Variants in NTPCR observed in about 807,000 individuals in gnomAD.
The protein encoded by NTPCR is nucleoside-triphosphatase, cancer-related, also known as cancer-related nucleoside-triphosphatase.
In NTPCR, 15 loss-of-function variants were observed where a neutral mutation model predicts 19.5. The ratio of observed to expected loss-of-function variants is 0.77; its 90% CI spans 0.51 to 1.18. The LOEUF (loss-of-function observed/expected upper bound fraction) is 1.18, where lower values mean the gene tolerates loss of function less well. Ranked by LOEUF, NTPCR falls within the 50% of genes most tolerant of loss-of-function variation. NTPCR has a pLI of 0.00. For synonymous variants in NTPCR, 90 were observed against 95.8 expected, an observed-to-expected ratio of 0.94 and a Z score of 0.36; for missense variants, 206 against 240.4, an observed-to-expected ratio of 0.86 and a Z score of 0.95.
At chr1:232,965,660 G>C (rs1418368285) in intron 3 of NTPCR, 4 of 152,366 alleles carry the variant, frequency 2.6e-5, no homozygotes, top group Non-Finnish European at 5.9e-5. Context: ...AGTCCCAGGA[G>C]CCCAAATGTG....
intron 3 of NTPCR, chr1:232,969,195 G>A (rs796633154): frequency 6.6e-6 from 1 of 152,268 alleles, no homozygotes; most frequent in South Asian, 2.1e-4. Context: ...CTGTTGGCAT[G>A]AGGCCTCAGT....
rs960417727 is a variant in NTPCR, at chr1:232,979,228, C to G, written c.*997C>G. 1 of 152,116 alleles carries G rather than the reference C, an allele frequency of 6.6e-6. No homozygotes were observed. The highest frequency in any genetic ancestry group is 1.5e-5 in the Non-Finnish European group (1 of 68,030). The allele number at this position is 152,116 out of a possible 1,614,324, so 9.4% of individuals were successfully genotyped here. The stretch of plus-strand genomic sequence containing the variant: ...TGGTAGATGGTACTGGAGTGATAAA[C>G]AGTTCAGTGTTTTTAGGTCATTTTT... On this transcript the variant is annotated 3_prime_UTR_variant, in exon 5 of 5. Transcript: ENST00000366628. The surrounding 1 kb of genome is among the most constrained non-coding windows in gnomAD (Gnocchi z 5.3).
chr1:232,968,871 T>C (rs1232579570), intron 3 of NTPCR: 1 of 152,270 alleles, frequency 6.6e-6, no homozygotes, highest in Non-Finnish European at 1.5e-5. Flanking sequence ...GTTTATTACA[T>C]GTTCTGTTTT....
At position 232,969,941 on chromosome 1, in the gene NTPCR, G is replaced by T. The variant is rs368568525; in HGVS notation, c.327G>T (p.Val109=). The change falls in exon 4 of 5, where the codon GTG becomes GTT. Residue 109 remains valine (V), a synonymous_variant. Coordinates refer to ENST00000366628, the MANE Select transcript of NTPCR (RefSeq NM_032324.3). The part of the protein sequence containing the change: ...ADCSSGPGQR[V]CVIDEIGKME... ...GCAGCAGTGGCCCAGGGCAAAGAGT[G>T]TGCGTCATCGATGAGATTGGGAAGA... 78 of 1,614,058 alleles carry T rather than the reference G, an allele frequency of 4.8e-5. No homozygotes were observed. Among genetic ancestry groups the T allele is most frequent in the Non-Finnish European group, 6.4e-5 (76 of 1,180,028 alleles).
In NTPCR at chr1:232,982,850, C is replaced by CT. The variant is rs1386494609; in HGVS notation, c.*4620dup. On this transcript the variant is annotated 3_prime_UTR_variant, in exon 5 of 5. Coordinates refer to ENST00000366628, the MANE Select transcript of NTPCR (RefSeq NM_032324.3). ...CTGCCATTTAGCCCTTGGGGCTTGG[C>CT]TGTAAAGTTGCCCAAGAGGATTACA... 6.6e-6 allele frequency: 1 copy of CT among 152,212 alleles called. No homozygotes were observed. Among genetic ancestry groups the CT allele is most frequent in the African/African-American group, 2.4e-5 (1 of 41,442 alleles). The allele number at this position is 152,212 out of a possible 1,614,324, so 9.4% of individuals were successfully genotyped here.
intron 3 of NTPCR, among the ~76,000 whole-genome samples, chr1:232,958,171 C>G (rs1668564919): frequency 6.6e-6 from 1 of 152,178 alleles, no homozygotes; most frequent in Non-Finnish European, 1.5e-5. Context: ...TGATACAGAC[C>G]TGTCTCAAAA....
intron 4 of NTPCR, among the ~76,000 whole-genome samples, chr1:232,975,484 G>GA (rs1196471284): frequency 2.0e-5 from 3 of 152,194 alleles, no homozygotes; most frequent in African/African-American, 7.2e-5. Context: ...GGCAGGGGAA[G>GA]AAATGCCTCT....
chr1:232,951,830 C>T (rs12059192), intron 1 of NTPCR, among the ~76,000 whole-genome samples: 7 of 152,136 alleles, frequency 4.6e-5, no homozygotes, highest in Non-Finnish European at 8.8e-5. Context: ...AAAGTCACTC[C>T]TAAGTATTGC....
At chr1:232,976,536 A>G (rs1408304592) in intron 4 of NTPCR, 1 of 1,518,380 alleles carries the variant, frequency 6.6e-7, no homozygotes, top group Admixed American at 2.3e-5. Context: ...TGCAAACAAC[A>G]GGAATGGACT....
At chr1:232,955,922 T>C (rs1668500043) in intron 2 of NTPCR, among the ~76,000 whole-genome samples, 1 of 152,174 alleles carries the variant, frequency 6.6e-6, no homozygotes, top group African/African-American at 2.4e-5. Flanking sequence ...CTCAAGAATC[T>C]TAGGCCTTTA....
intron 3 of NTPCR, among the ~76,000 whole-genome samples, chr1:232,958,042 A>C (rs886928521): frequency 1.3e-5 from 2 of 152,190 alleles, no homozygotes; most frequent in African/African-American, 4.8e-5. Flanking sequence ...GAGCAGGTGA[A>C]GAAGGTAAGT....
At chr1:232,972,540 C>T (rs1379628003) in intron 4 of NTPCR, among the ~76,000 whole-genome samples, 1 of 152,188 alleles carries the variant, frequency 6.6e-6, no homozygotes, top group Non-Finnish European at 1.5e-5. Context: ...CATCCTCCAC[C>T]TCAGCCTCCC....
In NTPCR at chr1:232,983,307, A is replaced by T. The variant is rs1016849506; in HGVS notation, c.*5076A>T. The T allele has an allele frequency of 2.0e-5, 3 of 152,254 alleles. No homozygotes were observed. The highest frequency in any genetic ancestry group is 1.3e-4 in the Admixed American group (2 of 15,286). 9.4% of individuals were successfully genotyped at this position (152,254 alleles called of 1,614,324 possible). On this transcript the variant is annotated 3_prime_UTR_variant, in exon 5 of 5. Transcript: ENST00000366628. ...TTGGGACCTCTACCCCAGCAAGGAT[A>T]CAGGTTCCTGGGGTCTTGAAGATGG...
At chr1:232,952,328 A>G (rs1668387867) in intron 1 of NTPCR, among the ~76,000 whole-genome samples, 3 of 150,934 alleles carry the variant, frequency 2.0e-5, no homozygotes, top group African/African-American at 2.4e-5. Context: ...TCCCACTTCA[A>G]CCTCCTGAAT....
chr1:232,969,958 T>C lies in NTPCR; in HGVS notation c.344T>C (p.Ile115Thr), dbSNP rs769002116. The C allele has an allele frequency of 3.6e-5, 58 of 1,614,062 alleles. No homozygotes were observed. The highest frequency in any genetic ancestry group is 4.6e-5 in the Non-Finnish European group (54 of 1,180,022). ...CAAAGAGTGTGCGTCATCGATGAGA[T>C]TGGGAAGATGGAGCTCTTCAGTCAG... ...PGQRVCVIDEIGKMELFSQLF... is the reference protein window; with the variant it reads ...PGQRVCVIDETGKMELFSQLF... Residue 115 changes from isoleucine (I) to threonine (T), a missense_variant, in exon 4 of 5, where the codon ATT (isoleucine) becomes ACT (threonine). By Grantham distance (89) the Ile-to-Thr change is moderately conservative. Coordinates refer to ENST00000366628, the MANE Select transcript of NTPCR (RefSeq NM_032324.3).
At chr1:232,977,524 G>T (rs1016267421) in intron 4 of NTPCR, 2 of 152,280 alleles carry the variant, frequency 1.3e-5, no homozygotes, top group Admixed American at 1.3e-4. Flanking sequence ...AGATCATCGG[G>T]TAAAGCTCTG....
Position 232,981,720 on chromosome 1 carries a change from T to A in NTPCR, c.*3489T>A, listed in dbSNP as rs1435080648. 1 of 140,600 alleles carries A rather than the reference T, an allele frequency of 7.1e-6. No homozygotes were observed. Among genetic ancestry groups the A allele is most frequent in the African/African-American group, 2.8e-5 (1 of 35,208 alleles). The allele number at this position is 140,600 out of a possible 1,614,324, so 8.7% of individuals were successfully genotyped here. ...TGATCTGTGTCCAAATAACTCTTTT[T>A]TTTTTTTTTTTTTTTGAGACAGAGT... On this transcript the variant is annotated 3_prime_UTR_variant, in exon 5 of 5. Transcript: ENST00000366628.
intron 3 of NTPCR, among the ~76,000 whole-genome samples, chr1:232,960,865 TA>T (rs1177317373): frequency 6.6e-6 from 1 of 152,120 alleles, no homozygotes; most frequent in Non-Finnish European, 1.5e-5. Context: ...TATTCATGGT[TA>T]AAAAAATTAT....
intron 3 of NTPCR, 191 bp from the exon 4 acceptor site, chr1:232,969,717 TG>T: frequency 1.9e-6 from 1 of 527,872 alleles, no homozygotes. Flanking sequence ...TCCCAGCTCC[TG>T]GGACTCACCC....
Sources: gnomAD v4.1 joint callset for allele counts (sites outside exome capture counted in the v4.1 genomes callset) on GRCh38, gnomAD v4.1.1 for gene constraint, Gnocchi (gnomAD v3.1) non-coding constraint, MANE v1.5 for transcripts, NCBI Gene and HGNC (gene_info 2026-07-23, HGNC 2026-07-21) for gene names.